Variants in SIPA1L2 observed in about 807,000 individuals in gnomAD.
SIPA1L2 encodes signal-induced proliferation-associated 1-like protein 2.
A neutral mutation model predicts 163.9 loss-of-function variants in SIPA1L2; 56 were observed. The observed-to-expected ratio is 0.34, with a 90% CI of 0.28 to 0.43. SIPA1L2 has a LOEUF of 0.43. Ranked by LOEUF, SIPA1L2 falls within the 20% of genes least tolerant of loss-of-function variation. SIPA1L2 has a pLI of 1.00. For synonymous variants in SIPA1L2, 877 were observed against 865.7 expected (o/e 1.01, Z -0.23); for missense variants, 1,974 against 2,193.5 (o/e 0.90, Z 2.00).
intron 2 of SIPA1L2, among the ~76,000 whole-genome samples, chr1:232,567,987 T>C (rs1573096654): frequency 6.6e-6 from 1 of 152,218 alleles, no homozygotes; most frequent in South Asian, 2.1e-4. Flanking sequence ...GCTGAACACA[T>C]GAAGGTTCCT....
chr1:232,502,042 T>C (rs1473888255), intron 3 of SIPA1L2, among the ~76,000 whole-genome samples: 2 of 152,364 alleles, frequency 1.3e-5, no homozygotes, highest in East Asian at 1.9e-4. Flanking sequence ...CAATTTGCCT[T>C]ATTTAACCAG....
intron 19 of SIPA1L2, among the ~76,000 whole-genome samples, chr1:232,404,463 C>T (rs1660528417): frequency 6.6e-6 from 1 of 152,126 alleles, no homozygotes; most frequent in Non-Finnish European, 1.5e-5. Flanking sequence ...ACTTAAATGA[C>T]TCACTCCACA....
intron 12 of SIPA1L2, 118 bp from the exon 13 acceptor site, chr1:232,441,986 T>C: frequency 2.6e-6 from 2 of 755,704 alleles, no homozygotes; most frequent in Non-Finnish European, 4.2e-6. Context: ...CAGGAGCTGG[T>C]TTTCTGGCAA....
intron 19 of SIPA1L2, among the ~76,000 whole-genome samples, chr1:232,413,991 C>A (rs183876099): frequency 6.6e-6 from 1 of 152,218 alleles, no homozygotes; most frequent in Admixed American, 6.5e-5. Flanking sequence ...GGGTCATGCC[C>A]AAGAAAGTGC....
At chr1:232,423,848 G>A (rs1378766275) in intron 18 of SIPA1L2, among the ~76,000 whole-genome samples, 4 of 152,316 alleles carry the variant, frequency 2.6e-5, no homozygotes, top group Admixed American at 1.3e-4. Context: ...GGAGGAAGTT[G>A]AATGCTTATT....
chr1:232,504,194 T>G (rs1021315904), intron 3 of SIPA1L2, among the ~76,000 whole-genome samples: 3 of 150,290 alleles, frequency 2.0e-5, no homozygotes, highest in Non-Finnish European at 3.0e-5. Flanking sequence ...GGAGTGAGAC[T>G]CCATCTCAAA....
chr1:232,466,321 T>A (rs983010015), intron 8 of SIPA1L2, among the ~76,000 whole-genome samples: 1 of 152,216 alleles, frequency 6.6e-6, no homozygotes, highest in Non-Finnish European at 1.5e-5. Flanking sequence ...ATGAAGGTTT[T>A]ATGGGAGCAA....
chr1:232,505,347 T>C (rs1666679337), intron 3 of SIPA1L2, among the ~76,000 whole-genome samples: 2 of 152,240 alleles, frequency 1.3e-5, no homozygotes, highest in Non-Finnish European at 2.9e-5. Context: ...TAAGAACTAA[T>C]GCTCCAAAGA....
chr1:232,400,969 T>C (rs1202807740), intron 22 of SIPA1L2, among the ~76,000 whole-genome samples: 2 of 152,168 alleles, frequency 1.3e-5, no homozygotes, highest in Admixed American at 6.6e-5. Flanking sequence ...CCATCAATCT[T>C]ATCAATCTTA....
At chr1:232,502,292 A>G (rs551795005) in intron 3 of SIPA1L2, among the ~76,000 whole-genome samples, 162 of 152,324 alleles carry the variant, frequency 1.1e-3, no homozygotes, top group African/African-American at 3.7e-3. Context: ...AATCAAAACA[A>G]AAGAGCGCAC....
Position 232,503,727 on chromosome 1 carries a change from C to T in SIPA1L2, c.1484-10067G>A, listed in dbSNP as rs79002404. Among the ~76,000 whole-genome samples the T allele has an allele frequency of 1.7e-3, 264 of 152,334 alleles. 1 individual carries two copies. The highest frequency in any genetic ancestry group is 5.3e-3 in the African/African-American group (219 of 41,564). On this transcript the variant is annotated intron_variant, in intron 3 of 22. Transcript: ENST00000674635. Reference sequence around the variant, plus strand: ...AACCACTAGTTGATCATTTAATTGCCTACTCTCTGCTGATCTGGGTTACAT... The same window carrying T: ...AACCACTAGTTGATCATTTAATTGCTTACTCTCTGCTGATCTGGGTTACAT...
chr1:232,441,447 G>C, intron 13 of SIPA1L2, 53 bp from the exon 14 acceptor site: 1 of 1,426,046 alleles, frequency 7.0e-7, no homozygotes, highest in Non-Finnish European at 9.7e-7. Flanking sequence ...ATTACCAAAA[G>C]AGTAAAGAAA....
chr1:232,472,507 T>C (rs1664849753), intron 7 of SIPA1L2, among the ~76,000 whole-genome samples: 2 of 152,232 alleles, frequency 1.3e-5, no homozygotes, highest in Non-Finnish European at 2.9e-5. Context: ...ACATTATGCA[T>C]TAAAATTGTG....
chr1:232,409,308 C>T (rs111871985), intron 19 of SIPA1L2, among the ~76,000 whole-genome samples: 321 of 152,264 alleles, frequency 2.1e-3, no homozygotes, highest in African/African-American at 7.1e-3. Context: ...GATATTAAAG[C>T]GTTCCTTGGA....
rs1426308460 is a variant in SIPA1L2, at chr1:232,403,551, A to G, written c.4837T>C (p.Cys1613Arg). 1.2e-6 allele frequency: 2 copies of G among 1,613,870 alleles called. No homozygotes were observed. Among genetic ancestry groups the G allele is most frequent in the Non-Finnish European group, 8.5e-7 (1 of 1,179,868 alleles). The change falls in exon 21 of 23, where the codon TGC (cysteine) becomes CGC (arginine). Residue 1613 changes from cysteine (C) to arginine (R), a missense_variant. Cys to Arg is a radical substitution (Grantham distance 180). Coordinates refer to ENST00000674635, the MANE Select transcript of SIPA1L2 (RefSeq NM_020808.5). The stretch of plus-strand genomic sequence containing the variant: ...CCATGCTGCATATCTGTCAGGGTGC[A>G]GAAGGATGCCACCCTCTGGTCTGGG... ...SYLDQRVASF[C>R]TLTDMQHGQD...
intron 18 of SIPA1L2, among the ~76,000 whole-genome samples, chr1:232,421,050 T>A (rs1335364755): frequency 6.6e-6 from 1 of 152,240 alleles, no homozygotes; most frequent in Non-Finnish European, 1.5e-5. Flanking sequence ...TAACTGAATT[T>A]ACTTCATACC....
At chr1:232,409,083 T>G (rs1041811143) in intron 19 of SIPA1L2, among the ~76,000 whole-genome samples, 2 of 152,214 alleles carry the variant, frequency 1.3e-5, no homozygotes, top group Non-Finnish European at 2.9e-5. Context: ...AAAATTCTTA[T>G]CCCTATTTTT....
At position 232,493,653 on chromosome 1, in the gene SIPA1L2, T is replaced by C. The variant is rs760490285; in HGVS notation, c.1491A>G (p.Gln497=). ...GGTTTTCATCTATTCCAAAGTAGTT[T>C]TGGTGCTCTATAATGGAAGAGAGAG... ...YRKFFYGKEH[Q]NYFGIDENLG... Residue 497 remains glutamine (Q), a synonymous_variant, in exon 4 of 23, where the codon CAA becomes CAG. Transcript: ENST00000674635. 6 of 1,614,098 alleles carry C rather than the reference T, an allele frequency of 3.7e-6. No individual in the cohort carries two copies. Among genetic ancestry groups the C allele is most frequent in the East Asian group, 2.2e-5 (1 of 44,852 alleles).
At chr1:232,539,721 T>C (rs925146679) in intron 2 of SIPA1L2, among the ~76,000 whole-genome samples, 3 of 152,074 alleles carry the variant, frequency 2.0e-5, no homozygotes, top group Non-Finnish European at 4.4e-5. Flanking sequence ...CCAGCTAGAG[T>C]TGGGATCCCA....
Sources: gnomAD v4.1 joint callset for allele counts (sites outside exome capture counted in the v4.1 genomes callset) on GRCh38, gnomAD v4.1.1 for gene constraint, MANE v1.5 for transcripts, NCBI Gene and HGNC (gene_info 2026-07-23, HGNC 2026-07-21) for gene names.